SMAD5: variants seen among roughly 807,000 people sequenced by gnomAD.
SMAD5 encodes the protein SMAD family member 5, also known as MAD, mothers against decapentaplegic homolog 5.
Under a neutral mutation model 43.1 loss-of-function variants are expected in SMAD5, and 9 were observed. That is an observed-to-expected ratio of 0.21 (90% CI 0.13 to 0.36). The LOEUF is 0.36. Among genes scored for constraint, SMAD5 ranks in the 10% least tolerant of loss-of-function variants. SMAD5 has a pLI of 1.00. For synonymous variants in SMAD5, 190 were observed against 192.4 expected (o/e 0.99, Z 0.10); for missense variants, 348 against 574.0 (o/e 0.61, Z 4.02).
chr5:136,151,592 A>ATATTG (rs1753464554), intron 2 of SMAD5, among the ~76,000 whole-genome samples: 1 of 151,976 alleles, frequency 6.6e-6, no homozygotes, highest in Non-Finnish European at 1.5e-5. Flanking sequence ...ATCATGTATG[A>ATATTG]TATTGTATTC....
At chr5:136,169,983 A>G (rs1754157985) in intron 5 of SMAD5, among the ~76,000 whole-genome samples, 1 of 151,882 alleles carries the variant, frequency 6.6e-6, no homozygotes, top group African/African-American at 2.4e-5. Context: ...TTCTTTGTAT[A>G]TTTTGAATTA....
In SMAD5 at chr5:136,174,618, A is replaced by G. The variant is rs1754343063; in HGVS notation, c.1240A>G (p.Met414Val). Residue 414 changes from methionine to valine, a missense_variant, in exon 7 of 8, where the codon ATG becomes GTG. Physicochemically the swap from Met to Val is conservative, Grantham distance 21. Transcript: ENST00000545279. ...GCTCACCAAAATGTGTACCATTCGG[A>G]TGAGTTTTGTCAAGGTGAGTTGTGA... is the stretch of plus-strand genomic sequence containing the variant. ...YELTKMCTIR[M>V]SFVKGWGAEY... is the part of the protein sequence containing the mutation. The G allele has an allele frequency of 6.2e-7, 1 of 1,610,498 alleles. No individual in the cohort carries two copies.
Position 136,139,028 on chromosome 5 carries a change from C to CT in SMAD5, c.-245+6068dup, listed in dbSNP as rs565838111. 1.2e-4 allele frequency among the ~76,000 whole-genome samples: 19 copies of CT among 152,110 alleles called. No individual in the cohort carries two copies. In the South Asian group the frequency reaches 4.0e-3, roughly 32 times the overall value. Reference sequence around the variant, plus strand: ...TGAGGAAAATGTGGGGATTGGTTTGCTTGCCTTTTTATTTCAGATTGCAGC... The same window carrying CT: ...TGAGGAAAATGTGGGGATTGGTTTGCTTTGCCTTTTTATTTCAGATTGCAGC... On this transcript the variant is annotated intron_variant, in intron 1 of 7. Transcript: ENST00000545279.
At chr5:136,154,345 A>G (rs930151043) in intron 3 of SMAD5, among the ~76,000 whole-genome samples, 182 bp downstream of exon 3, 3 of 152,158 alleles carry the variant, frequency 2.0e-5, no homozygotes, top group Non-Finnish European at 4.4e-5. Context: ...AGGTGATACA[A>G]TTCTCAGGTG....
intron 3 of SMAD5, among the ~76,000 whole-genome samples, chr5:136,157,094 T>C (rs1753661895): frequency 6.6e-6 from 1 of 152,212 alleles, no homozygotes; most frequent in Non-Finnish European, 1.5e-5. Context: ...GGAATAGTGA[T>C]TCCTTCATGG....
In SMAD5 at chr5:136,174,299, T is replaced by C. The variant is rs114573679; in HGVS notation, c.998-77T>C. ...GTTTGCTGTGGATTAATGGGTACTT[T>C]TGTTGCACCATACAGTCTATTTGGT... On this transcript the variant is annotated intron_variant, in intron 6 of 7. Transcript: ENST00000545279. 428 of 1,396,508 alleles carry C rather than the reference T, an allele frequency of 3.1e-4. 4 individuals are homozygous for C. The African/African-American group carries it at 5.0e-3, about 16-fold the overall frequency. The allele number at this position is 1,396,508 out of a possible 1,614,324, so 86.5% of individuals were successfully genotyped here. A position where few individuals can be genotyped will look rare whatever the true frequency, so the allele number is the denominator to read the frequency against.
At chr5:136,157,399 G>A (rs1200369562) in intron 3 of SMAD5, among the ~76,000 whole-genome samples, 4 of 152,148 alleles carry the variant, frequency 2.6e-5, no homozygotes, top group Admixed American at 6.5e-5. Flanking sequence ...CATAGAATTG[G>A]TTGGGGGATG....
In SMAD5 at chr5:136,136,735, C is replaced by T. The variant is rs151017209; in HGVS notation, c.-245+3773C>T. ...TTTATTTGAGAGTGTCTCTCTCTGT[C>T]GCCCAGGCTGGGGTTCAGTGACGCG... On this transcript the variant is annotated intron_variant, in intron 1 of 7. Coordinates refer to ENST00000545279, the MANE Select transcript of SMAD5 (RefSeq NM_005903.7). 3.1e-3 allele frequency among the ~76,000 whole-genome samples: 465 copies of T among 152,204 alleles called. 4 individuals carry two copies. Among genetic ancestry groups the T allele is most frequent in the African/African-American group, 0.011 (444 of 41,524 alleles).
Position 136,147,205 on chromosome 5 carries a change from CA to C in SMAD5, c.-244-619del, listed in dbSNP as rs937398008. On this transcript the variant is annotated intron_variant, in intron 1 of 7. Transcript: ENST00000545279. ...GAAAAGCTTTGGAGTAAGATCACCACAAAAAAAATATATTTTTATGCAGTGG... is the reference window on the plus strand; with the variant it reads ...GAAAAGCTTTGGAGTAAGATCACCACAAAAAAATATATTTTTATGCAGTGG... Among the ~76,000 whole-genome samples, 26 of 151,296 alleles carry C rather than the reference CA, an allele frequency of 1.7e-4. 1 individual carries two copies. The highest frequency in any genetic ancestry group is 6.3e-4 in the African/African-American group (26 of 41,372).
At position 136,174,615 on chromosome 5, in the gene SMAD5, C is replaced by A. The variant is rs962928737; in HGVS notation, c.1237C>A (p.Arg413=). Residue 413 remains arginine (R), a synonymous_variant, in exon 7 of 8, where the codon CGG becomes AGG. Transcript: ENST00000545279. ...TGAGCTCACCAAAATGTGTACCATT[C>A]GGATGAGTTTTGTCAAGGTGAGTTG... ...VYELTKMCTI[R]MSFVKGWGAE... The A allele has an allele frequency of 6.2e-7, 1 of 1,610,480 alleles. No individual in the cohort carries two copies. The highest frequency in any genetic ancestry group is 1.1e-5 in the South Asian group (1 of 91,024).
At position 136,155,127 on chromosome 5, in the gene SMAD5, C is replaced by T. The variant is rs76415599; in HGVS notation, c.403+964C>T. Among the ~76,000 whole-genome samples, 46 of 152,266 alleles carry T rather than the reference C, an allele frequency of 3.0e-4. 1 individual carries two copies. In the East Asian group the frequency reaches 3.9e-3, roughly 13 times the overall value. ...CCCTTGAGTTTTAGATTTGTGTATC[C>T]AGTTGCCTACTTGACATTTCCACTT... is the stretch of plus-strand genomic sequence containing the variant. On this transcript the variant is annotated intron_variant, in intron 3 of 7. Coordinates refer to ENST00000545279, the MANE Select transcript of SMAD5 (RefSeq NM_005903.7).
chr5:136,167,936 G>T (rs901605351), intron 5 of SMAD5, among the ~76,000 whole-genome samples: 1 of 151,620 alleles, frequency 6.6e-6, no homozygotes, highest in East Asian at 1.9e-4. Context: ...GGCACAATTC[G>T]CTCACAGTTC....
chr5:136,156,213 A>G (rs1320644826), intron 3 of SMAD5, among the ~76,000 whole-genome samples: 1 of 152,200 alleles, frequency 6.6e-6, no homozygotes, highest in Admixed American at 6.5e-5. Context: ...CAAAGCCAGT[A>G]AGGAAGAGAG....
At position 136,161,120 on chromosome 5, in the gene SMAD5, T is replaced by G. The variant is rs1753813270; in HGVS notation, c.655+13T>G. The G allele has an allele frequency of 1.9e-6, 3 of 1,592,530 alleles. No individual in the cohort carries two copies. Among genetic ancestry groups the G allele is most frequent in the Non-Finnish European group, 2.6e-6 (3 of 1,174,486 alleles). Reference sequence around the variant, plus strand: ...TTTCAGCTCCCAGGTAAGACTTTATTTTATTGATACCAAAAAAAAAAAAAT... The same window carrying G: ...TTTCAGCTCCCAGGTAAGACTTTATGTTATTGATACCAAAAAAAAAAAAAT... On this transcript the variant is annotated intron_variant, in intron 4 of 7. Coordinates refer to ENST00000545279, the MANE Select transcript of SMAD5 (RefSeq NM_005903.7).
chr5:136,167,830 A>G (rs1219269554), intron 5 of SMAD5, among the ~76,000 whole-genome samples: 2 of 151,274 alleles, frequency 1.3e-5, no homozygotes, highest in Non-Finnish European at 2.9e-5. Context: ...TACATAGACC[A>G]TGTGATTACT....
intron 2 of SMAD5, among the ~76,000 whole-genome samples, chr5:136,150,519 T>C (rs34508114): frequency 0.078 from 11,861 of 151,990 alleles, 594 homozygotes; most frequent in East Asian, 0.24. Context: ...ATTTATGACT[T>C]ATTAATTAGT....
intron 2 of SMAD5, among the ~76,000 whole-genome samples, chr5:136,151,057 AT>A (rs559805252): frequency 3.4e-4 from 52 of 152,030 alleles, no homozygotes; most frequent in African/African-American, 1.2e-3. Flanking sequence ...ATAAATAACA[AT>A]TTTTTTGTTT....
chr5:136,158,649 C>T (rs1753721853), intron 3 of SMAD5, among the ~76,000 whole-genome samples: 1 of 152,096 alleles, frequency 6.6e-6, no homozygotes, highest in Admixed American at 6.5e-5. Context: ...CCTGTAATCC[C>T]AGCACTTTGG....
rs1754487690 is a variant in SMAD5 at position 136,178,014 on chromosome 5, C to G, written c.*534C>G. ...AAGTTTTATTTGAATGAACACTATG[C>G]ACTGCTGTAACTGGTAGTGTTCAGT... On this transcript the variant is annotated 3_prime_UTR_variant, in exon 8 of 8. Transcript: ENST00000545279. The G allele has an allele frequency of 6.5e-6, 1 of 152,856 alleles. No individual in the cohort carries two copies. The highest frequency in any genetic ancestry group is 1.5e-5 in the Non-Finnish European group (1 of 68,396). 9.5% of individuals were successfully genotyped at this position (152,856 alleles called of 1,614,324 possible). A position where few individuals can be genotyped will look rare whatever the true frequency, so the allele number is the denominator to read the frequency against.
Sources: allele counts gnomAD v4.1 joint callset (sites outside exome capture counted in the v4.1 genomes callset), GRCh38; gene constraint gnomAD v4.1.1; transcripts MANE v1.5; gene names NCBI Gene and HGNC (gene_info 2026-07-23, HGNC 2026-07-21).